ABCD3: variants seen among roughly 807,000 people sequenced by gnomAD.
ABCD3 encodes ATP-binding cassette sub-family D member 3.
A neutral mutation model predicts 105.5 loss-of-function variants in ABCD3; 41 were observed. That is an observed-to-expected ratio of 0.39 (90% CI 0.30 to 0.50). The LOEUF is 0.50. Among genes scored for constraint, ABCD3 ranks in the 20% least tolerant of loss-of-function variants. The probability of loss-of-function intolerance (pLI) is 0.84; values close to 1 mark genes in which losing one functional copy is unlikely to be tolerated. For missense variants in ABCD3, 622 were observed against 806.3 expected (o/e 0.77, Z 2.77); for synonymous variants, 258 against 269.0 (o/e 0.96, Z 0.40).
At chr1:94,483,130 G>C (rs766333358) in intron 9 of ABCD3, 40 bp from the exon 10 acceptor site, 1 of 1,284,812 alleles carries the variant, frequency 7.8e-7, no homozygotes, top group Admixed American at 1.7e-5. Context: ...CCAAGCATAG[G>C]TAACATTAAA....
chr1:94,390,235 G>C, the ABCD3 span, among the ~76,000 whole-genome samples: 1 of 152,140 alleles, frequency 6.6e-6, no homozygotes, highest in Non-Finnish European at 1.5e-5. Flanking sequence ...TAGGGGTCAC[G>C]TGGGTAATTA....
At chr1:94,444,319 G>A (rs1005033943) in intron 1 of ABCD3, among the ~76,000 whole-genome samples, 5 of 126,244 alleles carry the variant, frequency 4.0e-5, no homozygotes, top group Admixed American at 2.0e-4. Flanking sequence ...GGGGCAGAGC[G>A]AGACTCCATC....
intron 4 of ABCD3, chr1:94,472,298 C>T (rs370761072): frequency 1.2e-6 from 1 of 823,204 alleles, no homozygotes. Context: ...TTGGGCAGCA[C>T]TAAAGCACTT....
intron 8 of ABCD3, among the ~76,000 whole-genome samples, chr1:94,479,163 T>A (rs1456627175): frequency 2.6e-5 from 4 of 152,202 alleles, no homozygotes; most frequent in Non-Finnish European, 5.9e-5. Flanking sequence ...ATTTTTCTGT[T>A]TATTTTCCTA....
At chr1:94,436,690 G>C (rs1659915664) in intron 1 of ABCD3, among the ~76,000 whole-genome samples, 1 of 152,126 alleles carries the variant, frequency 6.6e-6, no homozygotes, top group Non-Finnish European at 1.5e-5. Flanking sequence ...TAATTCTCGT[G>C]ATATTTCAAA....
chr1:94,515,176 A>C lies in ABCD3; in HGVS notation c.1876A>C (p.Arg626=), dbSNP rs769572048. 1.5e-5 allele frequency: 24 copies of C among 1,610,392 alleles called. No homozygotes were observed. The highest frequency in any genetic ancestry group is 1.9e-5 in the Non-Finnish European group (22 of 1,177,528). ...VGITLFTVSH[R]KSLWKHHEYY... is the part of the protein sequence containing the mutation. Reference sequence around the variant, plus strand: ...CATCACTCTCTTCACTGTGTCTCATAGGAAATCTCTTTGGAAACATCATGA... The same window carrying C: ...CATCACTCTCTTCACTGTGTCTCATCGGAAATCTCTTTGGAAACATCATGA... The change falls in exon 22 of 23, where the codon AGG becomes CGG. Residue 626 remains arginine (R), a synonymous_variant. Transcript: ENST00000370214.
intron 1 of ABCD3, among the ~76,000 whole-genome samples, chr1:94,447,247 C>T (rs953478188): frequency 6.6e-6 from 1 of 152,132 alleles, no homozygotes; most frequent in East Asian, 1.9e-4. Context: ...AACATTTTCT[C>T]CTTGGAATTC....
the ABCD3 span, among the ~76,000 whole-genome samples, chr1:94,396,651 T>C: frequency 2.0e-5 from 3 of 152,230 alleles, no homozygotes; most frequent in Non-Finnish European, 4.4e-5. Context: ...AACAATTTTA[T>C]GTAAATTCTT....
At chr1:94,385,440 C>T in the ABCD3 span, among the ~76,000 whole-genome samples, 2 of 152,168 alleles carry the variant, frequency 1.3e-5, no homozygotes, top group African/African-American at 4.8e-5. Flanking sequence ...CAAGAGAACA[C>T]ACTTGATGTG....
intron 7 of ABCD3, among the ~76,000 whole-genome samples, chr1:94,476,280 T>C (rs1359878181): frequency 1.3e-5 from 2 of 152,190 alleles, no homozygotes; most frequent in East Asian, 3.9e-4. Context: ...TTAGTCAGTT[T>C]TCCTTCTTCT....
At chr1:94,437,604 A>G (rs964819074) in intron 1 of ABCD3, among the ~76,000 whole-genome samples, 2 of 152,232 alleles carry the variant, frequency 1.3e-5, no homozygotes, top group Non-Finnish European at 2.9e-5. Flanking sequence ...AAGGAGATTA[A>G]TGTTGTTTTC....
In ABCD3 at chr1:94,517,079, A is replaced by G. The variant is rs748988875; in HGVS notation, c.1930A>G (p.Asn644Asp). 1 of 1,611,220 alleles carries G rather than the reference A, an allele frequency of 6.2e-7. No homozygotes were observed. The highest frequency in any genetic ancestry group is 8.5e-7 in the Non-Finnish European group (1 of 1,177,802). ...EYYLHMDGRG[N>D]YEFKQITEDT... The stretch of plus-strand genomic sequence containing the variant: ...CTACCTGCATATGGATGGCAGAGGC[A>G]ACTATGAATTCAAACAGATAACAGA... Residue 644 changes from asparagine (N) to aspartate (D), a missense_variant, in exon 23 of 23, where the codon AAC (asparagine) becomes GAC (aspartate). Asn to Asp is a conservative substitution (Grantham distance 23). Coordinates refer to ENST00000370214, the MANE Select transcript of ABCD3 (RefSeq NM_002858.4).
chr1:94,456,341 C>G (rs1351321639), intron 1 of ABCD3, among the ~76,000 whole-genome samples: 1 of 124,174 alleles, frequency 8.1e-6, no homozygotes, highest in Admixed American at 1.1e-4. Context: ...GTGGCACAAT[C>G]TCAGCTTGCT....
At chr1:94,400,336 G>A in the ABCD3 span, among the ~76,000 whole-genome samples, 12 of 151,620 alleles carry the variant, frequency 7.9e-5, no homozygotes, top group Non-Finnish European at 1.8e-4. Flanking sequence ...ACACAGGAGC[G>A]GAGGTTGCAA....
At chr1:94,414,983 G>T (rs563538503), upstream of ABCD3, among the ~76,000 whole-genome samples, 1 of 152,160 alleles carries the variant, frequency 6.6e-6, no homozygotes, top group Admixed American at 6.5e-5. Context: ...TGAGGATGGA[G>T]GATCTGCTTC....
intron 1 of ABCD3, among the ~76,000 whole-genome samples, chr1:94,449,618 G>A (rs532657310): frequency 6.6e-6 from 1 of 152,306 alleles, no homozygotes; most frequent in South Asian, 2.1e-4. Context: ...AAACAAAATT[G>A]AACCTGGCCA....
At chr1:94,414,781 C>T (rs756336808), upstream of ABCD3, among the ~76,000 whole-genome samples, 14 of 152,174 alleles carry the variant, frequency 9.2e-5, no homozygotes, top group Non-Finnish European at 1.9e-4. Flanking sequence ...GTATCTTCTT[C>T]GGAATCCTCT....
At chr1:94,411,697 C>T in the ABCD3 span, among the ~76,000 whole-genome samples, 106 of 152,248 alleles carry the variant, frequency 7.0e-4, no homozygotes, top group Middle Eastern at 3.4e-3. Context: ...TGTACATTCA[C>T]GTTCATTGTA....
At chr1:94,465,553 G>A (rs1164901162) in intron 3 of ABCD3, among the ~76,000 whole-genome samples, 2 of 152,082 alleles carry the variant, frequency 1.3e-5, no homozygotes, top group African/African-American at 4.8e-5. Flanking sequence ...GTGTTGCTTT[G>A]TTATAGTTAA....
Sources: allele counts gnomAD v4.1 joint callset (sites outside exome capture counted in the v4.1 genomes callset), GRCh38; gene constraint gnomAD v4.1.1; transcripts MANE v1.5; gene names NCBI Gene and HGNC (gene_info 2026-07-23, HGNC 2026-07-21).